The following PHACTR1 variants were observed in gnomAD, a reference collection of about 807,000 sequenced individuals.
The protein encoded by PHACTR1 is phosphatase and actin regulator 1.
In PHACTR1, 16 loss-of-function variants were observed where a neutral mutation model predicts 69.2. The observed-to-expected ratio is 0.23, with a 90% CI of 0.16 to 0.35. The LOEUF (loss-of-function observed/expected upper bound fraction) is 0.35, where lower values mean the gene tolerates loss of function less well. Among genes scored for constraint, PHACTR1 ranks in the 10% least tolerant of loss-of-function variants. The pLI, the probability that PHACTR1 is intolerant of heterozygous loss-of-function variation, is 1.00. For missense variants in PHACTR1, 510 were observed against 734.7 expected (o/e 0.69, Z 3.54); for synonymous variants, 312 against 284.5 (o/e 1.10, Z -0.97).
At chr6:12,963,865 C>A (rs188294715) in intron 4 of PHACTR1, among the ~76,000 whole-genome samples, 1 of 152,140 alleles carries the variant, frequency 6.6e-6, no homozygotes, top group Non-Finnish European at 1.5e-5. Flanking sequence ...TATGTTGGCA[C>A]CTGTATTATT....
rs539620023 is a variant in PHACTR1, at chr6:13,254,581, C to T, written c.1392-18279C>T. 1.4e-4 allele frequency among the ~76,000 whole-genome samples: 22 copies of T among 152,314 alleles called. No individual in the cohort carries two copies. In the South Asian group the frequency reaches 2.3e-3, roughly 16 times the overall value. ...TGAATACCTTCATCAAAAAGGAAGACGTTCTCTATCATGATCTTCCCATCA... is the reference window on the plus strand; with the variant it reads ...TGAATACCTTCATCAAAAAGGAAGATGTTCTCTATCATGATCTTCCCATCA... On this transcript the variant is annotated intron_variant, in intron 10 of 14. Coordinates refer to ENST00000332995, the MANE Select transcript of PHACTR1 (RefSeq NM_030948.6).
At chr6:13,222,535 G>GCGAA (rs1269738830) in intron 8 of PHACTR1, among the ~76,000 whole-genome samples, 1 of 152,228 alleles carries the variant, frequency 6.6e-6, no homozygotes, top group Non-Finnish European at 1.5e-5. Context: ...GATCTGGACA[G>GCGAA]TTCTTCATCA....
intron 4 of PHACTR1, among the ~76,000 whole-genome samples, chr6:12,798,682 T>G (rs1773363361): frequency 6.6e-6 from 1 of 152,226 alleles, no homozygotes; most frequent in South Asian, 2.1e-4. Context: ...ATGCTTTGGA[T>G]GGTCGCTGAA....
intron 4 of PHACTR1, among the ~76,000 whole-genome samples, chr6:13,016,867 C>T (rs1205936712): frequency 6.6e-6 from 1 of 152,148 alleles, no homozygotes; most frequent in Admixed American, 6.5e-5. Flanking sequence ...AAAACAAAGA[C>T]TCACACCCTC....
chr6:13,005,875 G>T (rs764740754), intron 4 of PHACTR1, among the ~76,000 whole-genome samples: 5 of 151,538 alleles, frequency 3.3e-5, no homozygotes, highest in African/African-American at 1.2e-4. Flanking sequence ...CCACAATTAT[G>T]TTGCATGTGT....
chr6:13,265,825 T>C (rs1776616146), intron 10 of PHACTR1, among the ~76,000 whole-genome samples: 1 of 152,166 alleles, frequency 6.6e-6, no homozygotes, highest in Admixed American at 6.5e-5. Context: ...TCCTCCTTAG[T>C]CCATGCATTA....
rs149033266 is a variant in PHACTR1, at chr6:12,776,274, A to T, written c.250+26484A>T. Among the ~76,000 whole-genome samples, 778 of 152,274 alleles carry T rather than the reference A, an allele frequency of 5.1e-3. 8 individuals carry two copies. Among genetic ancestry groups the T allele is most frequent in the Non-Finnish European group, 9.2e-3 (625 of 68,016 alleles). Reference sequence around the variant, plus strand: ...TTGTTGATAGAAGAAAAACATGAGAATTTTTTTCTGTTGTCTTAACACACT... The same window carrying T: ...TTGTTGATAGAAGAAAAACATGAGATTTTTTTTCTGTTGTCTTAACACACT... On this transcript the variant is annotated intron_variant, in intron 4 of 14. Coordinates refer to ENST00000332995, the MANE Select transcript of PHACTR1 (RefSeq NM_030948.6).
At chr6:13,094,856 C>A (rs1438959703) in intron 5 of PHACTR1, among the ~76,000 whole-genome samples, 1 of 152,098 alleles carries the variant, frequency 6.6e-6, no homozygotes, top group African/African-American at 2.4e-5. Flanking sequence ...TTCTTTCTCC[C>A]TTTTATGGAC....
intron 6 of PHACTR1, among the ~76,000 whole-genome samples, chr6:13,165,956 A>G (rs1358699620): frequency 1.3e-5 from 2 of 152,184 alleles, no homozygotes; most frequent in African/African-American, 4.8e-5. Flanking sequence ...TTTCACTCAG[A>G]AATTCCAGGT....
Position 12,731,260 on chromosome 6 carries a change from C to T in PHACTR1, c.103+12413C>T, listed in dbSNP as rs948371661. ...TGAACTCCTGACCTCGTGATCCACC[C>T]GCCTTGGCTTCCCAAAGTGCTGGGA... On this transcript the variant is annotated intron_variant, in intron 3 of 14. Transcript: ENST00000332995. 1.2e-4 allele frequency among the ~76,000 whole-genome samples: 19 copies of T among 152,174 alleles called. No homozygotes were observed. In the East Asian group the frequency reaches 2.9e-3, roughly 23 times the overall value.
intron 4 of PHACTR1, among the ~76,000 whole-genome samples, chr6:12,771,099 A>T (rs977791598): frequency 6.6e-6 from 1 of 152,226 alleles, no homozygotes; most frequent in Non-Finnish European, 1.5e-5. Flanking sequence ...TGATAACAAC[A>T]TGAGAAAGAT....
chr6:13,108,157 T>G (rs767531590), intron 5 of PHACTR1, among the ~76,000 whole-genome samples: 1 of 152,110 alleles, frequency 6.6e-6, no homozygotes, highest in Non-Finnish European at 1.5e-5. Flanking sequence ...TATGCTAGTG[T>G]TGTTTAATTT....
intron 5 of PHACTR1, among the ~76,000 whole-genome samples, chr6:13,101,105 G>A (rs1489816920): frequency 6.6e-6 from 1 of 152,212 alleles, no homozygotes; most frequent in African/African-American, 2.4e-5. Context: ...CAGACCATAA[G>A]TAATTTATAA....
intron 10 of PHACTR1, among the ~76,000 whole-genome samples, chr6:13,254,061 C>G (rs1022507604): frequency 2.0e-5 from 3 of 152,084 alleles, no homozygotes; most frequent in Admixed American, 6.5e-5. Flanking sequence ...AACCCTATAT[C>G]TACTAAAAAT....
intron 5 of PHACTR1, among the ~76,000 whole-genome samples, chr6:13,058,347 T>A (rs1052099957): frequency 1.3e-5 from 2 of 152,066 alleles, no homozygotes; most frequent in South Asian, 2.1e-4. Context: ...GCTGCAGGGG[T>A]TGGCCGTGGA....
chr6:13,026,710 G>A (rs1801748396), intron 4 of PHACTR1, among the ~76,000 whole-genome samples: 1 of 152,066 alleles, frequency 6.6e-6, no homozygotes, highest in Non-Finnish European at 1.5e-5. Flanking sequence ...TGAAAGCGCA[G>A]AGGGAGCCCT....
chr6:12,951,784 T>C (rs1485790373), intron 4 of PHACTR1, among the ~76,000 whole-genome samples: 1 of 152,228 alleles, frequency 6.6e-6, no homozygotes, highest in Non-Finnish European at 1.5e-5. Flanking sequence ...GGTAATAGTT[T>C]TCTGTTGACA....
chr6:12,980,194 C>T (rs960285700), intron 4 of PHACTR1, among the ~76,000 whole-genome samples: 3 of 152,140 alleles, frequency 2.0e-5, no homozygotes, highest in Non-Finnish European at 2.9e-5. Flanking sequence ...TAAGTGCATA[C>T]AGAAAAAGAA....
chr6:13,165,730 G>A (rs1054370063), intron 6 of PHACTR1, among the ~76,000 whole-genome samples: 2 of 152,116 alleles, frequency 1.3e-5, no homozygotes, highest in Non-Finnish European at 2.9e-5. Context: ...AAGTGACCGA[G>A]TGGCTCAAAC....
Sources: allele counts gnomAD v4.1 joint callset (sites outside exome capture counted in the v4.1 genomes callset), GRCh38; gene constraint gnomAD v4.1.1; transcripts MANE v1.5; gene names NCBI Gene and HGNC (gene_info 2026-07-23, HGNC 2026-07-21).